MAP4: variants seen among roughly 807,000 people sequenced by gnomAD.
MAP4 encodes the protein microtubule-associated protein 4.
In MAP4, 76 loss-of-function variants were observed where a neutral mutation model predicts 170.2. The ratio of observed to expected loss-of-function variants is 0.45; its 90% CI spans 0.37 to 0.54. The LOEUF (loss-of-function observed/expected upper bound fraction) is 0.54, where lower values mean the gene tolerates loss of function less well. MAP4 is among the 20% of genes least tolerant of loss of function. The pLI, the probability that MAP4 is intolerant of heterozygous loss-of-function variation, is 0.00. For missense variants in MAP4, 2,506 were observed against 2,748.0 expected, an observed-to-expected ratio of 0.91 and a Z score of 1.97; for synonymous variants, 909 against 994.5, an observed-to-expected ratio of 0.91 and a Z score of 1.62.
Position 47,892,809 on chromosome 3 carries a change from C to CA in MAP4, c.5434+10140dup, listed in dbSNP as rs1237079859. On this transcript the variant is annotated intron_variant, in intron 10 of 20. Coordinates refer to ENST00000683076, the MANE Select transcript of MAP4 (RefSeq NM_001385682.1). Reference sequence around the variant, plus strand: ...CTGTTTAGATCTGCAATTTAAAACACAGTATGGTGCCAATCCAAGCACTAA... The same window carrying CA: ...CTGTTTAGATCTGCAATTTAAAACACAAGTATGGTGCCAATCCAAGCACTAA... The CA allele has an allele frequency of 2.6e-6, 3 of 1,139,164 alleles. No individual in the cohort carries two copies. In the East Asian group the frequency reaches 1.8e-4, roughly 66 times the overall value. 70.6% of individuals were successfully genotyped at this position (1,139,164 alleles called of 1,614,324 possible).
intron 1 of MAP4, among the ~76,000 whole-genome samples, chr3:48,083,510 C>T (rs1166043472): frequency 6.6e-6 from 1 of 151,640 alleles, no homozygotes; most frequent in Non-Finnish European, 1.5e-5. Context: ...GGATTACAGG[C>T]GCCCGCCACC....
intron 4 of MAP4, among the ~76,000 whole-genome samples, chr3:47,922,583 A>T (rs1407494082): frequency 1.3e-5 from 2 of 152,082 alleles, no homozygotes; most frequent in African/African-American, 4.8e-5. Flanking sequence ...AAAACCAACA[A>T]GTAATTTTTC....
intron 3 of MAP4, chr3:47,975,487 G>T: frequency 2.0e-6 from 3 of 1,530,262 alleles, no homozygotes; most frequent in East Asian, 2.4e-5. Context: ...AAAATAGAGA[G>T]GGAGGAAGAA....
At chr3:48,071,811 G>A (rs1267182731) in intron 1 of MAP4, among the ~76,000 whole-genome samples, 3 of 152,028 alleles carry the variant, frequency 2.0e-5, no homozygotes, top group African/African-American at 4.8e-5. Context: ...GGCTAAAGCA[G>A]GAGAATTGCT....
chr3:47,939,191 C>G (rs1319688445), intron 3 of MAP4, among the ~76,000 whole-genome samples: 1 of 152,198 alleles, frequency 6.6e-6, no homozygotes, highest in African/African-American at 2.4e-5. Context: ...GACTTTAATG[C>G]TCATTTTCCA....
At chr3:48,061,338 A>G (rs1407788004) in intron 1 of MAP4, among the ~76,000 whole-genome samples, 1 of 146,646 alleles carries the variant, frequency 6.8e-6, no homozygotes. Context: ...GATTGCAGGC[A>G]CGCGCCGCCA....
chr3:47,966,545 C>A (rs1578445951), intron 3 of MAP4, among the ~76,000 whole-genome samples: 1 of 151,942 alleles, frequency 6.6e-6, no homozygotes, highest in Admixed American at 6.6e-5. Context: ...CCGCACCTGG[C>A]CAATTTTTTT....
At chr3:48,029,878 G>A (rs1443587581) in intron 1 of MAP4, among the ~76,000 whole-genome samples, 2 of 151,034 alleles carry the variant, frequency 1.3e-5, no homozygotes, top group Non-Finnish European at 1.5e-5. Flanking sequence ...TGCACCTGTA[G>A]TCCCAGCTAC....
intron 5 of MAP4, among the ~76,000 whole-genome samples, chr3:47,921,275 A>G (rs530789542): frequency 2.0e-5 from 3 of 152,170 alleles, no homozygotes; most frequent in Non-Finnish European, 4.4e-5. Flanking sequence ...TTCAAAGGTG[A>G]TGTGTGAAAG....
chr3:47,892,714 G>C (rs2153086832), intron 10 of MAP4: 1 of 1,356,392 alleles, frequency 7.4e-7, no homozygotes, highest in East Asian at 2.9e-5. Context: ...AGAAAGGAAG[G>C]AACCTGCTGC....
chr3:47,869,991 G>C lies in MAP4; in HGVS notation c.6295-664C>G, dbSNP rs536693383. Among the ~76,000 whole-genome samples the C allele has an allele frequency of 7.9e-5, 12 of 152,216 alleles. No homozygotes were observed. The East Asian group carries it at 2.1e-3, about 27-fold the overall frequency. On this transcript the variant is annotated intron_variant, in intron 15 of 20. Coordinates refer to ENST00000683076, the MANE Select transcript of MAP4 (RefSeq NM_001385682.1). ...CATCAGTGTCTTCCAACAGCACCAG[G>C]ATTCCACCTCATTTTTGTCCCTCCT...
rs2100141793 is a variant in MAP4, at chr3:48,073,081, A to G, written c.-20+15692T>C. On this transcript the variant is annotated intron_variant, in intron 1 of 18. Coordinates refer to the MAP4 transcript ENST00000360240. ...CCCTGTCTACTAAAAATGGTGGCACATGCCCGTAATCCCACCTACTCAGGA... is the reference window on the plus strand; with the variant it reads ...CCCTGTCTACTAAAAATGGTGGCACGTGCCCGTAATCCCACCTACTCAGGA... Among the ~76,000 whole-genome samples, 2 of 152,060 alleles carry G rather than the reference A, an allele frequency of 1.3e-5. 1 individual carries two copies. Among genetic ancestry groups the G allele is most frequent in the South Asian group, 4.1e-4 (2 of 4,824 alleles).
At chr3:47,952,025 G>A (rs1449412438) in intron 3 of MAP4, among the ~76,000 whole-genome samples, 3 of 147,880 alleles carry the variant, frequency 2.0e-5, no homozygotes, top group Non-Finnish European at 3.0e-5. Context: ...TGTGAGGAGC[G>A]CCTCTGCCCG....
chr3:47,948,478 C>T (rs1198006152), intron 3 of MAP4, among the ~76,000 whole-genome samples: 3 of 151,882 alleles, frequency 2.0e-5, no homozygotes, highest in Non-Finnish European at 4.4e-5. Flanking sequence ...TCTGCCTCAG[C>T]CTCCCAAAGT....
chr3:47,896,238 C>A (rs887515712), intron 10 of MAP4, among the ~76,000 whole-genome samples: 2 of 152,174 alleles, frequency 1.3e-5, no homozygotes, highest in African/African-American at 4.8e-5. Flanking sequence ...TTTAAAAAAA[C>A]AACCAAGAAG....
intron 6 of MAP4, 80 bp downstream of exon 6, chr3:47,918,639 C>T: frequency 8.6e-7 from 1 of 1,163,206 alleles, no homozygotes; most frequent in Non-Finnish European, 1.3e-6. Flanking sequence ...CTGTAAGCTG[C>T]TAAAAAATAC....
At chr3:47,942,158 T>G (rs1053387917) in intron 3 of MAP4, among the ~76,000 whole-genome samples, 1 of 152,168 alleles carries the variant, frequency 6.6e-6, no homozygotes, top group African/African-American at 2.4e-5. Context: ...CAGGCTTCAT[T>G]ATGCTTTTGG....
intron 10 of MAP4, among the ~76,000 whole-genome samples, chr3:47,896,639 C>T (rs1393360791): frequency 6.6e-6 from 1 of 152,110 alleles, no homozygotes; most frequent in Non-Finnish European, 1.5e-5. Context: ...ACAACAACAA[C>T]AACAAAAGTG....
chr3:47,869,856 G>A (rs572360299), intron 15 of MAP4, among the ~76,000 whole-genome samples: 9 of 152,218 alleles, frequency 5.9e-5, no homozygotes, highest in South Asian at 2.1e-4. Flanking sequence ...GAGCAAAGAC[G>A]GGGAGATAGG....
Sources: gnomAD v4.1 joint callset for allele counts (sites outside exome capture counted in the v4.1 genomes callset) on GRCh38, gnomAD v4.1.1 for gene constraint, MANE v1.5 for transcripts, NCBI Gene and HGNC (gene_info 2026-07-23, HGNC 2026-07-21) for gene names.